Variants in MTMR12 observed in about 807,000 individuals in gnomAD.
MTMR12 encodes myotubularin related protein 12.
In MTMR12, 33 loss-of-function variants were observed where a neutral mutation model predicts 96.7. The ratio of observed to expected loss-of-function variants is 0.34; its 90% CI spans 0.26 to 0.46. The LOEUF (loss-of-function observed/expected upper bound fraction) is 0.46, where lower values mean the gene tolerates loss of function less well. Among genes scored for constraint, MTMR12 ranks in the 20% least tolerant of loss-of-function variants. The pLI is 1.00. For missense variants in MTMR12, 721 were observed against 896.1 expected, an observed-to-expected ratio of 0.80 and a Z score of 2.49; for synonymous variants, 298 against 327.2, an observed-to-expected ratio of 0.91 and a Z score of 0.96.
chr5:32,263,032 C>A, intron 7 of MTMR12, 81 bp downstream of exon 7: 1 of 1,538,544 alleles, frequency 6.5e-7, no homozygotes, highest in Non-Finnish European at 8.9e-7. Context: ...GATGACTGCA[C>A]AACCCTGTGA....
In MTMR12 at chr5:32,228,558, T is replaced by C. The variant is rs558948101; in HGVS notation, c.*1220A>G. The C allele has an allele frequency of 2.6e-5, 3 of 116,456 alleles. No homozygotes were observed. The highest frequency in any genetic ancestry group is 8.5e-5 in the Admixed American group (1 of 11,720). The allele number at this position is 116,456 out of a possible 1,614,324, so 7.2% of individuals were successfully genotyped here. On this transcript the variant is annotated 3_prime_UTR_variant, in exon 16 of 16. Coordinates refer to ENST00000382142, the MANE Select transcript of MTMR12 (RefSeq NM_001040446.3). Reference sequence around the variant, plus strand: ...TGATATATATATCATATATATGTGATATATATATATCATATATATATCATA... The same window carrying C: ...TGATATATATATCATATATATGTGACATATATATATCATATATATATCATA...
chr5:32,268,940 T>A (rs966371348), intron 5 of MTMR12, 146 bp from the exon 6 acceptor site: 2 of 553,654 alleles, frequency 3.6e-6, no homozygotes, highest in African/African-American at 3.8e-5. Flanking sequence ...TCTGTATCTA[T>A]GACATTAGCT....
chr5:32,250,158 C>T (rs555177558), intron 8 of MTMR12, among the ~76,000 whole-genome samples: 5 of 152,208 alleles, frequency 3.3e-5, no homozygotes, highest in African/African-American at 7.2e-5. Flanking sequence ...GGAACTGGTT[C>T]GGGATTTCTG....
chr5:32,265,352 T>C (rs1288832565), intron 6 of MTMR12, among the ~76,000 whole-genome samples: 1 of 152,156 alleles, frequency 6.6e-6, no homozygotes, highest in Admixed American at 6.5e-5. Flanking sequence ...CAGAAGGTAA[T>C]GAAACTGCCA....
intron 5 of MTMR12, 119 bp downstream of exon 5, chr5:32,270,698 A>T: frequency 8.7e-7 from 1 of 1,148,582 alleles, no homozygotes; most frequent in Admixed American, 2.4e-5. Context: ...GATTACAACC[A>T]ATTTCAAGTT....
At chr5:32,291,744 G>T (rs1270124906) in intron 1 of MTMR12, among the ~76,000 whole-genome samples, 1 of 152,182 alleles carries the variant, frequency 6.6e-6, no homozygotes, top group African/African-American at 2.4e-5. Context: ...AGGCTGACCT[G>T]GCTACGGCCA....
At chr5:32,272,875 G>A (rs1749891732) in intron 3 of MTMR12, among the ~76,000 whole-genome samples, 1 of 152,176 alleles carries the variant, frequency 6.6e-6, no homozygotes, top group Non-Finnish European at 1.5e-5. Flanking sequence ...CTTTGTACAG[G>A]ACTATGAACC....
intron 4 of MTMR12, 50 bp from the exon 5 acceptor site, chr5:32,270,997 A>G: frequency 6.4e-7 from 1 of 1,554,806 alleles, no homozygotes; most frequent in Non-Finnish European, 8.7e-7. Context: ...ACACAGCAAT[A>G]AGTGAATGCT....
In MTMR12 at chr5:32,258,158, A is replaced by G. The variant is rs572189018; in HGVS notation, c.714-2390T>C. Among the ~76,000 whole-genome samples the G allele has an allele frequency of 2.0e-5, 3 of 152,278 alleles. No homozygotes were observed. The South Asian group carries it at 6.2e-4, about 32-fold the overall frequency. On this transcript the variant is annotated intron_variant, in intron 7 of 15. Transcript: ENST00000382142. ...AAAAATGCAAAACCAAAAAATCTTA[A>G]AAGTAATTAATGAAGAAAAAGTTCC...
chr5:32,288,937 C>T (rs1750646214), intron 1 of MTMR12, among the ~76,000 whole-genome samples: 1 of 152,148 alleles, frequency 6.6e-6, no homozygotes, highest in Admixed American at 6.6e-5. Context: ...CAATGCTTTG[C>T]AAAACAGATT....
At chr5:32,279,867 G>A (rs535160628) in intron 1 of MTMR12, among the ~76,000 whole-genome samples, 4 of 152,334 alleles carry the variant, frequency 2.6e-5, no homozygotes, top group Admixed American at 6.5e-5. Context: ...ATCTAATGCC[G>A]CCACTGATCC....
At chr5:32,296,476 C>A in intron 1 of MTMR12, 1 of 371,690 alleles carries the variant, frequency 2.7e-6, no homozygotes. Flanking sequence ...AAGACCTTGT[C>A]TCCAAAAAAA....
chr5:32,248,006 C>A lies in MTMR12; in HGVS notation c.1017G>T (p.Leu339=). ...TAYSKFKQLF[L]IDNSTEFWDT... is the part of the protein sequence containing the mutation. ...TTTGCTCAGTATTCTTCTCACCTAT[C>A]AGAAATAGCTGTTTAAATTTAGAGT... is the stretch of plus-strand genomic sequence containing the variant. The change falls in exon 10 of 16, where the codon CTG becomes CTT. Residue 339 remains leucine (L), a synonymous_variant. Transcript: ENST00000382142. 6.2e-7 allele frequency: 1 copy of A among 1,613,438 alleles called. No homozygotes were observed. The highest frequency in any genetic ancestry group is 8.5e-7 in the Non-Finnish European group (1 of 1,179,520).
chr5:32,280,817 G>C (rs1750261045), intron 1 of MTMR12, among the ~76,000 whole-genome samples: 1 of 152,148 alleles, frequency 6.6e-6, no homozygotes, highest in Admixed American at 6.5e-5. Flanking sequence ...CCTAGTATGA[G>C]AGCTTTAAGA....
In MTMR12 at chr5:32,268,707, T is replaced by C. The variant is rs984716599; in HGVS notation, c.577A>G (p.Asn193Asp). 1.2e-6 allele frequency: 2 copies of C among 1,612,856 alleles called. No individual in the cohort carries two copies. Among genetic ancestry groups the C allele is most frequent in the Non-Finnish European group, 1.7e-6 (2 of 1,178,844 alleles). The change falls in exon 6 of 16, where the codon AAT (asparagine) becomes GAT (aspartate). Residue 193 changes from asparagine to aspartate, a missense_variant. Asn to Asp is a conservative substitution (Grantham distance 23, BLOSUM62 1). Transcript: ENST00000382142. ...LFSYATAAQN[N>D]TVTDPKNHTV... ...GAACCCAGAAGATATTTACCTGTAT[T>C]GTTTTGTGCAGCAGTCGCATAGGAA...
Position 32,233,805 on chromosome 5 carries a change from C to G in MTMR12, c.1642G>C (p.Asp548His). 6.2e-7 allele frequency: 1 copy of G among 1,614,172 alleles called. No individual in the cohort carries two copies. Among genetic ancestry groups the G allele is most frequent in the Non-Finnish European group, 8.5e-7 (1 of 1,180,038 alleles). ...NPLYVEKPKL[D>H]KGQRKGMRFK... ...CGCATTCCTTTCCGTTGGCCTTTGT[C>G]CAGTTTTGGCTTTTCCACATAAAGA... Residue 548 changes from aspartate to histidine, a missense_variant, in exon 15 of 16, where the codon GAC (aspartate) becomes CAC (histidine). Coordinates refer to ENST00000382142, the MANE Select transcript of MTMR12 (RefSeq NM_001040446.3). The surrounding 1 kb of genome is among the most constrained non-coding windows in gnomAD (Gnocchi z 5.0).
At chr5:32,305,616 T>C (rs1374442731) in intron 1 of MTMR12, among the ~76,000 whole-genome samples, 1 of 152,204 alleles carries the variant, frequency 6.6e-6, no homozygotes, top group Non-Finnish European at 1.5e-5. Context: ...ATATCTGGGA[T>C]ACCGCGGCCG....
chr5:32,293,660 C>A (rs1750822978), intron 1 of MTMR12, among the ~76,000 whole-genome samples: 1 of 152,192 alleles, frequency 6.6e-6, no homozygotes, highest in South Asian at 2.1e-4. Context: ...CCCTTCTGGG[C>A]AGGGTCCTCT....
chr5:32,301,416 T>C (rs776674254), intron 1 of MTMR12, among the ~76,000 whole-genome samples: 5 of 152,188 alleles, frequency 3.3e-5, no homozygotes, highest in South Asian at 2.1e-4. Context: ...GTGGTTTGCA[T>C]AGACAGGAGG....
Sources: allele counts gnomAD v4.1 joint callset (sites outside exome capture counted in the v4.1 genomes callset), GRCh38; gene constraint gnomAD v4.1.1; non-coding constraint Gnocchi (gnomAD v3.1); transcripts MANE v1.5; gene names NCBI Gene and HGNC (gene_info 2026-07-23, HGNC 2026-07-21).